The following NPSR1 variants were observed in gnomAD, a reference collection of about 807,000 sequenced individuals.
The protein encoded by NPSR1 is neuropeptide S receptor 1.
Under a neutral mutation model 46.9 loss-of-function variants are expected in NPSR1, and 48 were observed. The observed-to-expected ratio is 1.02, with a 90% CI of 0.81 to 1.30. The LOEUF (loss-of-function observed/expected upper bound fraction) is 1.30, where lower values mean the gene tolerates loss of function less well. Ranked by LOEUF, NPSR1 falls within the 50% of genes most tolerant of loss-of-function variation. The pLI is 0.00. For synonymous variants in NPSR1, 176 were observed against 168.1 expected, an observed-to-expected ratio of 1.05 and a Z score of -0.36; for missense variants, 450 against 449.5, an observed-to-expected ratio of 1.00 and a Z score of -0.01.
chr7:34,768,022 A>C (rs1346239300), intron 2 of NPSR1, among the ~76,000 whole-genome samples: 1 of 152,158 alleles, frequency 6.6e-6, no homozygotes, highest in African/African-American at 2.4e-5. Context: ...TGATCCTCAC[A>C]AAAAAATGAT....
intron 3 of NPSR1, among the ~76,000 whole-genome samples, chr7:34,789,090 T>A (rs1784026337): frequency 6.6e-6 from 1 of 151,892 alleles, no homozygotes; most frequent in African/African-American, 2.4e-5. Context: ...ATTTAAAATA[T>A]CTTAAGATAA....
Position 34,790,981 on chromosome 7 carries a change from TTATATTA to T in NPSR1, c.384+12422_384+12428del, listed in dbSNP as rs1406622433. 6.7e-4 allele frequency among the ~76,000 whole-genome samples: 81 copies of T among 121,802 alleles called. 4 individuals carry two copies. The highest frequency in any genetic ancestry group is 2.2e-3 in the African/African-American group (71 of 31,626). The allele number at this position is 121,802 out of a possible 152,430, so 79.9% of individuals were successfully genotyped here. Reference sequence around the variant, plus strand: ...TATGTTATATTATATATGTTATATGTTATATTATATATGTTATATGTTATATGTTATA... The same window carrying T: ...TATGTTATATTATATATGTTATATGTTATATGTTATATGTTATATGTTATA... On this transcript the variant is annotated intron_variant, in intron 3 of 8. Coordinates refer to ENST00000360581, the MANE Select transcript of NPSR1 (RefSeq NM_207172.2).
At chr7:34,841,928 C>CCG (rs1790578968) in intron 6 of NPSR1, among the ~76,000 whole-genome samples, 1 of 152,156 alleles carries the variant, frequency 6.6e-6, no homozygotes, top group African/African-American at 2.4e-5. Context: ...TTACTTGCAG[C>CCG]CCATGGGTAT....
At chr7:34,809,626 G>T (rs1324073217) in intron 3 of NPSR1, among the ~76,000 whole-genome samples, 2 of 151,982 alleles carry the variant, frequency 1.3e-5, no homozygotes, top group Non-Finnish European at 2.9e-5. Context: ...ACTACGCCCG[G>T]CTAATTTTTT....
At chr7:34,737,724 C>G (rs1784745792) in intron 2 of NPSR1, among the ~76,000 whole-genome samples, 1 of 152,132 alleles carries the variant, frequency 6.6e-6, no homozygotes, top group Non-Finnish European at 1.5e-5. Context: ...TTATTGGTTC[C>G]TTCTCTTATT....
At chr7:34,833,570 C>T (rs1208306699) in intron 5 of NPSR1, among the ~76,000 whole-genome samples, 2 of 152,214 alleles carry the variant, frequency 1.3e-5, no homozygotes, top group East Asian at 1.9e-4. Context: ...AACTGAGGCT[C>T]AGTGTAGTAG....
At chr7:34,792,665 T>TTTA (rs1554331486) in intron 3 of NPSR1, among the ~76,000 whole-genome samples, 19 of 78,774 alleles carry the variant, frequency 2.4e-4, no homozygotes, top group African/African-American at 5.8e-4. Context: ...ATATATATAT[T>TTTA]TATATATATG....
Position 34,849,829 on chromosome 7 carries a change from A to T in NPSR1, c.*174A>T. 2.2e-6 allele frequency: 3 copies of T among 1,384,976 alleles called. No homozygotes were observed. The highest frequency in any genetic ancestry group is 2.8e-6 in the Non-Finnish European group (3 of 1,068,216). The allele number at this position is 1,384,976 out of a possible 1,614,324, so 85.8% of individuals were successfully genotyped here. On this transcript the variant is annotated 3_prime_UTR_variant, in exon 9 of 9. Coordinates refer to ENST00000360581, the MANE Select transcript of NPSR1 (RefSeq NM_207172.2). ...GCATGCACTGCTTAAGTATTGGCCA[A>T]CACGAACTCCCCAGTTATTCATGCC...
At chr7:34,689,315 G>C (rs1384162694) in intron 2 of NPSR1, among the ~76,000 whole-genome samples, 1 of 152,102 alleles carries the variant, frequency 6.6e-6, no homozygotes, top group Non-Finnish European at 1.5e-5. Flanking sequence ...AATACAATAA[G>C]AAATCTGGGG....
chr7:34,831,327 A>G (rs1790108159), intron 5 of NPSR1, among the ~76,000 whole-genome samples: 1 of 151,872 alleles, frequency 6.6e-6, no homozygotes, highest in African/African-American at 2.4e-5. Context: ...ACACACACAC[A>G]CACACACACA....
At chr7:34,726,944 T>A (rs1028065518) in intron 2 of NPSR1, among the ~76,000 whole-genome samples, 7 of 152,150 alleles carry the variant, frequency 4.6e-5, no homozygotes, top group African/African-American at 9.7e-5. Flanking sequence ...TGTATATGTG[T>A]CATTGTACAT....
intron 2 of NPSR1, among the ~76,000 whole-genome samples, chr7:34,729,902 A>T (rs1204010145): frequency 6.6e-6 from 1 of 152,160 alleles, no homozygotes; most frequent in Non-Finnish European, 1.5e-5. Flanking sequence ...ACTCCCAAGT[A>T]ACTGGGACTA....
chr7:34,752,488 G>A (rs1476788686), intron 2 of NPSR1, among the ~76,000 whole-genome samples: 3 of 152,144 alleles, frequency 2.0e-5, no homozygotes, highest in Middle Eastern at 3.2e-3. Context: ...AAAGGCCTAG[G>A]TAAAACTCTT....
intron 2 of NPSR1, among the ~76,000 whole-genome samples, chr7:34,761,998 G>A (rs548621338): frequency 6.6e-5 from 10 of 152,236 alleles, no homozygotes; most frequent in African/African-American, 2.4e-4. Context: ...CAACAACTCA[G>A]GTAGGCCAGT....
chr7:34,744,634 C>T lies in NPSR1; in HGVS notation c.281-33828C>T, dbSNP rs561735405. ...TTCCTGTTTGAAACACTAGTTGTCC[C>T]ATTGGGAATCCCTCATCCCCAAGGC... is the stretch of plus-strand genomic sequence containing the variant. On this transcript the variant is annotated intron_variant, in intron 2 of 8. Coordinates refer to ENST00000360581, the MANE Select transcript of NPSR1 (RefSeq NM_207172.2). Among the ~76,000 whole-genome samples the T allele has an allele frequency of 2.0e-5, 3 of 152,332 alleles. No individual in the cohort carries two copies. The South Asian group carries it at 6.2e-4, about 32-fold the overall frequency.
intron 7 of NPSR1, among the ~76,000 whole-genome samples, chr7:34,847,630 G>A (rs1470028232): frequency 1.3e-5 from 2 of 152,168 alleles, no homozygotes; most frequent in Non-Finnish European, 2.9e-5. Flanking sequence ...CTCGAAGACA[G>A]GCAAGCAGAG....
chr7:34,710,856 A>C (rs541927121), intron 2 of NPSR1: 21 of 483,536 alleles, frequency 4.3e-5, no homozygotes, highest in Non-Finnish European at 1.2e-5. Flanking sequence ...GCACCTGAGA[A>C]ACAAGTTTGC....
chr7:34,775,378 C>T (rs1786907052), intron 2 of NPSR1, among the ~76,000 whole-genome samples: 1 of 152,172 alleles, frequency 6.6e-6, no homozygotes, highest in Non-Finnish European at 1.5e-5. Context: ...AGTATTCCCT[C>T]CTCCTCTATT....
intron 2 of NPSR1, among the ~76,000 whole-genome samples, chr7:34,720,329 G>A (rs986151332): frequency 1.3e-5 from 2 of 151,348 alleles, no homozygotes; most frequent in East Asian, 1.9e-4. Flanking sequence ...ATGGAGCCCT[G>A]TGTGTCAGGA....
Sources: allele counts gnomAD v4.1 joint callset (sites outside exome capture counted in the v4.1 genomes callset), GRCh38; gene constraint gnomAD v4.1.1; transcripts MANE v1.5; gene names NCBI Gene and HGNC (gene_info 2026-07-23, HGNC 2026-07-21).